DNAAF11: variants seen among roughly 807,000 people sequenced by gnomAD.
The protein encoded by DNAAF11 is leucine rich repeat containing 6.
A neutral mutation model predicts 60.8 loss-of-function variants in DNAAF11; 45 were observed. That is an observed-to-expected ratio of 0.74 (90% confidence interval 0.58 to 0.95). DNAAF11 has a LOEUF of 0.95. Among genes scored for constraint, DNAAF11 ranks in the 40% least tolerant of loss-of-function variants. The pLI is 0.00. For missense variants in DNAAF11, 546 were observed against 546.2 expected (o/e 1.00, Z 0.00); for synonymous variants, 191 against 183.5 (o/e 1.04, Z -0.33).
At chr8:132,586,436 G>T (rs1378376709) in intron 10 of DNAAF11, among the ~76,000 whole-genome samples, 1 of 152,162 alleles carries the variant, frequency 6.6e-6, no homozygotes, top group African/African-American at 2.4e-5. Flanking sequence ...TATTTAGCAA[G>T]AGAGATAGGA....
chr8:132,679,940 A>G (rs1024976033), upstream of DNAAF11, among the ~76,000 whole-genome samples: 1 of 152,148 alleles, frequency 6.6e-6, no homozygotes, highest in Non-Finnish European at 1.5e-5. Context: ...ACAGAATAAT[A>G]CAAGCAGAGA....
chr8:132,573,105 G>A (rs1814380524), intron 11 of DNAAF11, among the ~76,000 whole-genome samples: 1 of 152,152 alleles, frequency 6.6e-6, no homozygotes, highest in African/African-American at 2.4e-5. Flanking sequence ...TATAGATATA[G>A]ATATAGATAC....
intron 3 of DNAAF11, among the ~76,000 whole-genome samples, chr8:132,654,431 G>C (rs1463355358): frequency 6.6e-6 from 1 of 151,896 alleles, no homozygotes; most frequent in Non-Finnish European, 1.5e-5. Context: ...AGACCTAACA[G>C]GCATATTTAG....
chr8:132,652,727 T>C (rs1179480267), intron 3 of DNAAF11, among the ~76,000 whole-genome samples: 1 of 151,644 alleles, frequency 6.6e-6, no homozygotes, highest in Non-Finnish European at 1.5e-5. Context: ...CACTCATAAG[T>C]GGGAATTGAA....
intron 2 of DNAAF11, among the ~76,000 whole-genome samples, chr8:132,661,173 A>G (rs1472544487): frequency 6.6e-6 from 1 of 152,094 alleles, no homozygotes; most frequent in East Asian, 1.9e-4. Flanking sequence ...TCAAACTTAA[A>G]AAAAAAAAAT....
At chr8:132,578,694 C>T (rs1815018198) in intron 11 of DNAAF11, among the ~76,000 whole-genome samples, 1 of 152,150 alleles carries the variant, frequency 6.6e-6, no homozygotes, top group South Asian at 2.1e-4. Flanking sequence ...CAAAGACTCC[C>T]ACCTCCCACT....
chr8:132,671,679 A>C (rs957029843), intron 1 of DNAAF11, among the ~76,000 whole-genome samples: 30 of 152,210 alleles, frequency 2.0e-4, no homozygotes, highest in African/African-American at 7.0e-4. Context: ...AGAGGAAGAC[A>C]AATAAATCAA....
At chr8:132,640,815 T>C (rs1193584780) in intron 3 of DNAAF11, among the ~76,000 whole-genome samples, 1 of 152,010 alleles carries the variant, frequency 6.6e-6, no homozygotes, top group East Asian at 1.9e-4. Context: ...AAGGAAAGAA[T>C]AGATAAAAGT....
At chr8:132,623,447 C>G (rs1184898709) in intron 6 of DNAAF11, among the ~76,000 whole-genome samples, 1 of 151,588 alleles carries the variant, frequency 6.6e-6, no homozygotes, top group African/African-American at 2.4e-5. Context: ...GTAGTGAGAT[C>G]AACCCAAGCC....
At chr8:132,583,576 G>A (rs1815555508) in intron 11 of DNAAF11, 118 bp downstream of exon 11, 1 of 767,156 alleles carries the variant, frequency 1.3e-6, no homozygotes, top group Non-Finnish European at 2.2e-6. Flanking sequence ...AACATTCATG[G>A]TATGAATCAT....
chr8:132,597,677 T>A (rs924859786), intron 10 of DNAAF11, among the ~76,000 whole-genome samples: 1 of 152,238 alleles, frequency 6.6e-6, no homozygotes, highest in African/African-American at 2.4e-5. Flanking sequence ...GAGGCTTCTC[T>A]ATAACCTTGA....
Position 132,587,755 on chromosome 8 carries a change from T to A in DNAAF11, c.1141-3976A>T, listed in dbSNP as rs189747610. 4.6e-5 allele frequency among the ~76,000 whole-genome samples: 7 copies of A among 152,284 alleles called. No individual in the cohort carries two copies. The East Asian group carries it at 1.3e-3, about 29-fold the overall frequency. On this transcript the variant is annotated intron_variant, in intron 10 of 11. Transcript: ENST00000620350. ...ACTACTTGAAAATTCAATTGTGGGA[T>A]AGGCATAAAGGAACAAATTAACATT... is the stretch of plus-strand genomic sequence containing the variant.
chr8:132,578,811 A>C (rs540701784), intron 11 of DNAAF11, among the ~76,000 whole-genome samples: 1 of 152,222 alleles, frequency 6.6e-6, no homozygotes, highest in Non-Finnish European at 1.5e-5. Flanking sequence ...GCCTGAAGTC[A>C]CCTTTGCCCT....
intron 10 of DNAAF11, among the ~76,000 whole-genome samples, chr8:132,584,876 C>CA (rs1401656407): frequency 6.6e-6 from 1 of 152,182 alleles, no homozygotes; most frequent in African/African-American, 2.4e-5. Context: ...TGCCTCCCAT[C>CA]TACTGGCTCA....
intron 3 of DNAAF11, among the ~76,000 whole-genome samples, chr8:132,645,010 A>G (rs1586675856): frequency 6.6e-6 from 1 of 152,144 alleles, no homozygotes; most frequent in South Asian, 2.1e-4. Flanking sequence ...GGAGTTTGAG[A>G]TCTGAGAATG....
At chr8:132,659,264 T>G (rs1823891335) in intron 2 of DNAAF11, among the ~76,000 whole-genome samples, 1 of 152,314 alleles carries the variant, frequency 6.6e-6, no homozygotes, top group South Asian at 2.1e-4. Context: ...CTTCACAAAC[T>G]TCTACCTCAA....
chr8:132,655,423 G>C (rs1187694685), intron 3 of DNAAF11, among the ~76,000 whole-genome samples: 2 of 151,962 alleles, frequency 1.3e-5, no homozygotes, highest in Non-Finnish European at 2.9e-5. Flanking sequence ...TATCCAGACA[G>C]TAAAACCAAA....
chr8:132,662,877 C>T (rs1025188268), intron 1 of DNAAF11, among the ~76,000 whole-genome samples: 3 of 152,172 alleles, frequency 2.0e-5, no homozygotes, highest in African/African-American at 7.2e-5. Context: ...TATGTCACAT[C>T]CTTAAAAGTG....
chr8:132,666,134 A>C (rs1453760692), intron 1 of DNAAF11, among the ~76,000 whole-genome samples: 1 of 152,190 alleles, frequency 6.6e-6, no homozygotes, highest in Non-Finnish European at 1.5e-5. Flanking sequence ...AAAACGACCT[A>C]CTGGCTACTA....
Sources: gnomAD v4.1 joint callset for allele counts (sites outside exome capture counted in the v4.1 genomes callset) on GRCh38, gnomAD v4.1.1 for gene constraint, MANE v1.5 for transcripts, NCBI Gene and HGNC (gene_info 2026-07-23, HGNC 2026-07-21) for gene names.